Variants in ACER1 observed in about 807,000 individuals in gnomAD.
The protein encoded by ACER1 is alkaline ceramidase 1, also known as CTB-180A7.3.
In ACER1, 28 loss-of-function variants were observed where a neutral mutation model predicts 24.9. The observed-to-expected ratio is 1.13, with a 90% CI of 0.83 to 1.54. The LOEUF (loss-of-function observed/expected upper bound fraction) is 1.54. Ranked by LOEUF, ACER1 falls within the 40% of genes most tolerant of loss-of-function variation. ACER1 has a pLI of 0.00. For missense variants in ACER1, 352 were observed against 349.3 expected, an observed-to-expected ratio of 1.01 and a Z score of -0.06; for synonymous variants, 132 against 131.4, an observed-to-expected ratio of 1.00 and a Z score of -0.03.
chr19:6,357,445 G>T, the ACER1 span, among the ~76,000 whole-genome samples: 2 of 151,502 alleles, frequency 1.3e-5, no homozygotes, highest in African/African-American at 4.9e-5. Context: ...AGATAAGGGG[G>T]GTCAGCAGGG....
At chr19:6,342,457 C>A in the ACER1 span, among the ~76,000 whole-genome samples, 1 of 151,896 alleles carries the variant, frequency 6.6e-6, no homozygotes, top group Non-Finnish European at 1.5e-5. Flanking sequence ...TGGTGGCTCA[C>A]ACCTGTAATC....
At chr19:6,331,655 G>A (rs1042485650) in intron 1 of ACER1, among the ~76,000 whole-genome samples, 8 of 151,856 alleles carry the variant, frequency 5.3e-5, no homozygotes, top group Admixed American at 1.3e-4. Context: ...TTAGCCAGGC[G>A]TGGTGGTGGG....
chr19:6,323,216 A>C (rs112927466), intron 1 of ACER1, among the ~76,000 whole-genome samples: 99 of 152,180 alleles, frequency 6.5e-4, no homozygotes, highest in South Asian at 2.7e-3. Flanking sequence ...GTCAGGAGAT[A>C]GAGACCATCA....
At position 6,312,514 on chromosome 19, in the gene ACER1, G is replaced by A; in HGVS notation, c.94-15C>T. 1.2e-6 allele frequency: 2 copies of A among 1,604,734 alleles called. No homozygotes were observed. Among genetic ancestry groups the A allele is most frequent in the African/African-American group, 1.3e-5 (1 of 74,826 alleles). ...ATATTGGAGAACTGGAGCAGAGAGA[G>A]CCATAGGGAGGAGCTCGTCAGATAG... is the stretch of plus-strand genomic sequence containing the variant. On this transcript the variant is annotated splice_polypyrimidine_tract_variant and intron_variant, in intron 1 of 5. Transcript: ENST00000301452.
At chr19:6,310,364 G>A (rs951128111) in intron 3 of ACER1, among the ~76,000 whole-genome samples, 1 of 151,994 alleles carries the variant, frequency 6.6e-6, no homozygotes, top group African/African-American at 2.4e-5. Flanking sequence ...TAGGATTACC[G>A]GCATGAGTCA....
At chr19:6,340,622 T>C in the ACER1 span, among the ~76,000 whole-genome samples, 2 of 152,078 alleles carry the variant, frequency 1.3e-5, no homozygotes, top group African/African-American at 4.8e-5. Context: ...TGCTCATAGC[T>C]GGAACAGGAC....
chr19:6,354,785 T>C, the ACER1 span, among the ~76,000 whole-genome samples: 788 of 146,230 alleles, frequency 5.4e-3, 3 homozygotes, highest in Non-Finnish European at 8.2e-3. Flanking sequence ...AGGAGAAGTG[T>C]CACTCCCTCT....
At chr19:6,346,066 A>G in the ACER1 span, among the ~76,000 whole-genome samples, 5 of 152,126 alleles carry the variant, frequency 3.3e-5, no homozygotes, top group Admixed American at 1.3e-4. Flanking sequence ...TCCATGACTT[A>G]CTAGAAGAAG....
intron 3 of ACER1, among the ~76,000 whole-genome samples, chr19:6,311,478 G>T (rs2091579817): frequency 6.6e-6 from 1 of 152,026 alleles, no homozygotes; most frequent in African/African-American, 2.4e-5. Context: ...GAAGGCAGAG[G>T]CTGCAGTGAG....
intron 3 of ACER1, among the ~76,000 whole-genome samples, chr19:6,310,665 G>C (rs2091574825): frequency 6.6e-6 from 1 of 151,896 alleles, no homozygotes; most frequent in Admixed American, 6.6e-5. Context: ...GATTGCTTGA[G>C]CTCAGGAGTT....
At chr19:6,319,837 C>T (rs1462015054) in intron 1 of ACER1, among the ~76,000 whole-genome samples, 2 of 151,978 alleles carry the variant, frequency 1.3e-5, no homozygotes, top group East Asian at 3.9e-4. Flanking sequence ...AGGGGCCAGG[C>T]GCAGTGGCTC....
the ACER1 span, among the ~76,000 whole-genome samples, chr19:6,347,944 C>A: frequency 1.3e-5 from 2 of 151,402 alleles, no homozygotes; most frequent in South Asian, 2.1e-4. Context: ...AATCCCAGCA[C>A]GTTGGGAGGC....
chr19:6,328,145 A>T (rs1295799232), intron 1 of ACER1, among the ~76,000 whole-genome samples: 2 of 151,600 alleles, frequency 1.3e-5, no homozygotes, highest in African/African-American at 4.8e-5. Flanking sequence ...GCTGGTTTTC[A>T]GCTACAGTGG....
intron 5 of ACER1, 40 bp from the exon 6 acceptor site, chr19:6,306,922 C>T (rs2091555256): frequency 6.3e-7 from 1 of 1,586,432 alleles, no homozygotes; most frequent in Non-Finnish European, 8.6e-7. Context: ...GCACAAGATA[C>T]CCACAGCCTC....
intron 1 of ACER1, among the ~76,000 whole-genome samples, chr19:6,320,458 G>T (rs980627710): frequency 1.3e-5 from 2 of 152,082 alleles, no homozygotes; most frequent in Admixed American, 6.6e-5. Context: ...GACTACAGGT[G>T]TGTGCCACCA....
Position 6,306,234 on chromosome 19 carries a change from G to A in ACER1, c.*480C>T, listed in dbSNP as rs2091551630. ...GGCTAATTTTTGTATTTTTAGTAGAGGCGGGGTTTTGCCATGTTGGCCAGG... is the reference window on the plus strand; with the variant it reads ...GGCTAATTTTTGTATTTTTAGTAGAAGCGGGGTTTTGCCATGTTGGCCAGG... On this transcript the variant is annotated 3_prime_UTR_variant, in exon 6 of 6. Transcript: ENST00000301452. The A allele has an allele frequency of 6.5e-6, 1 of 153,008 alleles. No homozygotes were observed. The highest frequency in any genetic ancestry group is 6.5e-5 in the Admixed American group (1 of 15,380). 9.5% of individuals were successfully genotyped at this position (153,008 alleles called of 1,614,324 possible).
chr19:6,340,002 G>A, the ACER1 span, among the ~76,000 whole-genome samples: 1,907 of 151,686 alleles, frequency 0.013, 14 homozygotes, highest in Middle Eastern at 0.054. Flanking sequence ...GGGGCTGGGC[G>A]TGGTGGCTCA....
At chr19:6,351,646 T>G in the ACER1 span, among the ~76,000 whole-genome samples, 1 of 151,630 alleles carries the variant, frequency 6.6e-6, no homozygotes, top group Non-Finnish European at 1.5e-5. Flanking sequence ...CGCAGGAAGA[T>G]CGCTTGAGCC....
chr19:6,347,115 T>A, the ACER1 span, among the ~76,000 whole-genome samples: 1,236 of 120,848 alleles, frequency 0.01, 41 homozygotes, highest in African/African-American at 0.049. Flanking sequence ...AAAAAATATA[T>A]ATATATATAT....
Sources: allele counts gnomAD v4.1 joint callset (sites outside exome capture counted in the v4.1 genomes callset), GRCh38; gene constraint gnomAD v4.1.1; transcripts MANE v1.5; gene names NCBI Gene and HGNC (gene_info 2026-07-23, HGNC 2026-07-21).